The following UGT1A7 variants were observed in gnomAD, a reference collection of about 807,000 sequenced individuals.
The protein encoded by UGT1A7 is UDP glucuronosyltransferase family 1 member A7.
UGT1A7 carries 33 observed loss-of-function variants against 45.6 expected under a neutral mutation model. The observed-to-expected ratio is 0.72, with a 90% confidence interval of 0.55 to 0.97. UGT1A7 has a LOEUF of 0.97. Among genes scored for constraint, UGT1A7 ranks in the 50% least tolerant of loss-of-function variants. The pLI is 0.00. For missense variants in UGT1A7, 684 were observed against 666.2 expected (o/e 1.03, Z -0.29); for synonymous variants, 274 against 250.6 (o/e 1.09, Z -0.88).
In UGT1A7 at chr2:233,769,569, G is replaced by A; in HGVS notation, c.1295+1130G>A. ...TCAGGAAGACAGATGTGAAGAGCTG[G>A]AGCATGTTCAGATGAGAGGAGACGG... On this transcript the variant is annotated intron_variant, in intron 4 of 4. Transcript: ENST00000373426. The surrounding 1 kb of genome is among the most constrained non-coding windows in gnomAD (Gnocchi z 4.4). The A allele has an allele frequency of 1.2e-6, 2 of 1,612,870 alleles. No individual in the cohort carries two copies. The highest frequency in any genetic ancestry group is 2.2e-5 in the South Asian group (2 of 91,064).
Position 233,767,879 on chromosome 2 carries a change from T to C in UGT1A7, c.1018T>C (p.Ser340Pro). 1 of 1,614,180 alleles carries C rather than the reference T, an allele frequency of 6.2e-7. No homozygotes were observed. The highest frequency in any genetic ancestry group is 1.6e-4 in the Middle Eastern group (1 of 6,062). ...VLWRYTGTRP[S>P]NLANNTILVK... ...GTGGCGGTACACTGGAACCCGACCA[T>C]CGAATCTTGCGAACAACACGATACT... The change falls in exon 3 of 5, where the codon TCG becomes CCG. Residue 340 changes from serine (S) to proline (P), a missense_variant. Coordinates refer to ENST00000373426, the MANE Select transcript of UGT1A7 (RefSeq NM_019077.3).
chr2:233,694,603 G>C (rs192830777), intron 1 of UGT1A7, among the ~76,000 whole-genome samples: 4 of 152,306 alleles, frequency 2.6e-5, no homozygotes. Context: ...AAGGGCTTCA[G>C]GCAACTCCCT....
intron 1 of UGT1A7, among the ~76,000 whole-genome samples, chr2:233,709,128 A>C (rs2125614330): frequency 6.6e-6 from 1 of 152,218 alleles, no homozygotes; most frequent in East Asian, 1.9e-4. Context: ...CATGGTGGCC[A>C]AGGGGATGAG....
chr2:233,688,628 C>G (rs937345281), intron 1 of UGT1A7, among the ~76,000 whole-genome samples: 2 of 152,130 alleles, frequency 1.3e-5, no homozygotes, highest in Non-Finnish European at 2.9e-5. Flanking sequence ...ATGAGTTCGT[C>G]TTGTTTTTGT....
chr2:233,691,973 A>G (rs940295780), intron 1 of UGT1A7: 1 of 152,272 alleles, frequency 6.6e-6, no homozygotes, highest in Admixed American at 6.5e-5. Flanking sequence ...ATCCCTTTCG[A>G]TCACACCTAA....
intron 1 of UGT1A7, among the ~76,000 whole-genome samples, chr2:233,698,082 T>A (rs1434328705): frequency 6.6e-6 from 1 of 152,220 alleles, no homozygotes; most frequent in Non-Finnish European, 1.5e-5. Context: ...CTCTAATGAA[T>A]GTACTTTTTG....
At chr2:233,718,557 G>A (rs1043661676) in intron 1 of UGT1A7, among the ~76,000 whole-genome samples, 1 of 152,220 alleles carries the variant, frequency 6.6e-6, no homozygotes, top group Non-Finnish European at 1.5e-5. Context: ...AGAAAGAAGA[G>A]CTTGAACTTG....
chr2:233,687,579 T>A (rs2074847989), intron 1 of UGT1A7, among the ~76,000 whole-genome samples: 1 of 120,078 alleles, frequency 8.3e-6, no homozygotes, highest in Non-Finnish European at 1.7e-5. Context: ...CCATACATTC[T>A]TTGTAAAAAA....
At chr2:233,717,896 G>T (rs1418345167) in intron 1 of UGT1A7, 1 of 454,828 alleles carries the variant, frequency 2.2e-6, no homozygotes, top group South Asian at 1.6e-5. Flanking sequence ...ATAATCTTCA[G>T]GATGAAATAA....
chr2:233,702,281 T>C (rs950915205), intron 1 of UGT1A7, among the ~76,000 whole-genome samples: 3 of 152,228 alleles, frequency 2.0e-5, no homozygotes, highest in African/African-American at 7.2e-5. Context: ...TTTTTCCCTT[T>C]AGCATAAAGA....
At chr2:233,711,284 C>T (rs1473595982) in intron 1 of UGT1A7, among the ~76,000 whole-genome samples, 4 of 152,164 alleles carry the variant, frequency 2.6e-5, no homozygotes, top group Admixed American at 6.5e-5. Flanking sequence ...GAGTCCTAGA[C>T]GTGGGAGTAG....
chr2:233,739,714 GGACTT>G (rs1004679723), intron 1 of UGT1A7, among the ~76,000 whole-genome samples: 28 of 152,292 alleles, frequency 1.8e-4, no homozygotes, highest in African/African-American at 6.3e-4. Context: ...ATGGGGGAAG[GGACTT>G]GACTTGTCTC....
intron 1 of UGT1A7, 21 bp downstream of exon 1, chr2:233,682,813 C>T (rs540122920): frequency 3.1e-5 from 50 of 1,593,566 alleles, no homozygotes; most frequent in Non-Finnish European, 4.1e-5. Context: ...TCCCCTTTAG[C>T]ACATTAAGAA....
At chr2:233,704,315 A>G (rs2075780426) in intron 1 of UGT1A7, among the ~76,000 whole-genome samples, 2 of 132,700 alleles carry the variant, frequency 1.5e-5, no homozygotes, top group South Asian at 4.6e-4. Flanking sequence ...AAATCCTTTA[A>G]TGTTTTTCTT....
intron 1 of UGT1A7, among the ~76,000 whole-genome samples, chr2:233,751,728 CCT>C (rs1694798514): frequency 6.6e-6 from 1 of 152,164 alleles, no homozygotes; most frequent in Non-Finnish European, 1.5e-5. Flanking sequence ...GTGAACTCTT[CCT>C]CTCTGTTTCT....
At position 233,713,131 on chromosome 2, in the gene UGT1A7, C is replaced by T. The variant is rs550853040; in HGVS notation, c.855+30339C>T. ...AGCCACTGGCTCAGCATGCGGGAGGCCTTGCGGGACCTCCATGCGAGAGGC... is the reference window on the plus strand; with the variant it reads ...AGCCACTGGCTCAGCATGCGGGAGGTCTTGCGGGACCTCCATGCGAGAGGC... On this transcript the variant is annotated intron_variant, in intron 1 of 4. Transcript: ENST00000373426. The T allele has an allele frequency of 2.1e-4, 341 of 1,613,802 alleles. 2 individuals carry two copies. The South Asian group carries it at 3.5e-3, about 17-fold the overall frequency.
At chr2:233,731,048 G>A (rs1354846386) in intron 1 of UGT1A7, among the ~76,000 whole-genome samples, 4 of 152,194 alleles carry the variant, frequency 2.6e-5, no homozygotes, top group African/African-American at 9.7e-5. Context: ...TTCACCGAAT[G>A]TGTATGAACT....
At chr2:233,746,994 G>C (rs922899059) in intron 1 of UGT1A7, among the ~76,000 whole-genome samples, 7 of 151,864 alleles carry the variant, frequency 4.6e-5, no homozygotes, top group African/African-American at 1.7e-4. Context: ...GGTCAGATGA[G>C]TTTTTCAAGT....
chr2:233,729,276 G>T (rs765243640), intron 1 of UGT1A7: 1 of 1,614,232 alleles, frequency 6.2e-7, no homozygotes, highest in Non-Finnish European at 8.5e-7. Flanking sequence ...TCTTGCGGGA[G>T]CTCCATGCCA....
Sources: gnomAD v4.1 joint callset for allele counts (sites outside exome capture counted in the v4.1 genomes callset) on GRCh38, gnomAD v4.1.1 for gene constraint, Gnocchi (gnomAD v3.1) non-coding constraint, MANE v1.5 for transcripts, NCBI Gene and HGNC (gene_info 2026-07-23, HGNC 2026-07-21) for gene names.